The following SYT17 variants were observed in gnomAD, a reference collection of about 807,000 sequenced individuals.
The protein encoded by SYT17 is synaptotagmin-17.
SYT17 carries 22 observed loss-of-function variants against 46.7 expected under a neutral mutation model. The observed-to-expected ratio is 0.47, with a 90% CI of 0.34 to 0.67. The LOEUF is 0.67. Ranked by LOEUF, SYT17 falls within the 30% of genes least tolerant of loss-of-function variation. The pLI, the probability that SYT17 is intolerant of heterozygous loss-of-function variation, is 0.01. For synonymous variants in SYT17, 251 were observed against 248.4 expected, an observed-to-expected ratio of 1.01 and a Z score of -0.10; for missense variants, 519 against 612.8, an observed-to-expected ratio of 0.85 and a Z score of 1.62.
intron 1 of SYT17, chr16:19,172,415 C>T: frequency 7.0e-7 from 1 of 1,426,780 alleles, no homozygotes; most frequent in Non-Finnish European, 9.1e-7. Flanking sequence ...AAGGTTTGCT[C>T]TTCTCCTGAA....
In SYT17 at chr16:19,173,458, T is replaced by G. The variant is rs773875118; in HGVS notation, c.62T>G (p.Leu21Arg). The part of the protein sequence containing the change: ...EGFLSRISGL[L>R]LCRWTCRHCC... Reference sequence around the variant, plus strand: ...TTTCTTTCTAGAATCTCTGGTCTGCTGCTGTGCAGATGGACCTGCCGGCAC... The same window carrying G: ...TTTCTTTCTAGAATCTCTGGTCTGCGGCTGTGCAGATGGACCTGCCGGCAC... The change falls in exon 3 of 8, where the codon CTG becomes CGG. Residue 21 changes from leucine to arginine, a missense_variant. By Grantham distance (102) the Leu-to-Arg change is moderately radical. Coordinates refer to ENST00000355377, the MANE Select transcript of SYT17 (RefSeq NM_016524.4). The G allele has an allele frequency of 9.5e-6, 14 of 1,478,744 alleles. No homozygotes were observed. The South Asian group carries it at 1.6e-4, about 17-fold the overall frequency. 91.6% of individuals were successfully genotyped at this position (1,478,744 alleles called of 1,614,324 possible). A position where few individuals can be genotyped will look rare whatever the true frequency, so the allele number is the denominator to read the frequency against.
intron 5 of SYT17, among the ~76,000 whole-genome samples, chr16:19,184,420 C>A (rs995837442): frequency 6.7e-6 from 1 of 150,096 alleles, no homozygotes; most frequent in African/African-American, 2.5e-5. Flanking sequence ...TTGAGACGCT[C>A]TGTCACCCAG....
At chr16:19,169,089 G>A (rs984477104) in intron 1 of SYT17, among the ~76,000 whole-genome samples, 1 of 152,048 alleles carries the variant, frequency 6.6e-6, no homozygotes, top group Non-Finnish European at 1.5e-5. Context: ...CGAGCCTGAG[G>A]CAGCTGTTCC....
rs529500783 is a variant in SYT17 at position 19,224,151 on chromosome 16, G to T, written c.1073-532G>T. 2.0e-5 allele frequency among the ~76,000 whole-genome samples: 3 copies of T among 152,270 alleles called. No homozygotes were observed. In the South Asian group the frequency reaches 6.2e-4, roughly 32 times the overall value. ...CTCTATTCACCTGTATATGGGCTAT[G>T]GGCTCACTGAAATGATAATGGGTTT... On this transcript the variant is annotated intron_variant, in intron 6 of 7. Transcript: ENST00000355377.
At chr16:19,231,699 A>G (rs1295157505) in intron 7 of SYT17, among the ~76,000 whole-genome samples, 1 of 152,024 alleles carries the variant, frequency 6.6e-6, no homozygotes, top group African/African-American at 2.4e-5. Context: ...GGGTGGGACC[A>G]GCTCCCTGGG....
At chr16:19,210,622 G>C (rs544816326) in intron 5 of SYT17, among the ~76,000 whole-genome samples, 1 of 151,880 alleles carries the variant, frequency 6.6e-6, no homozygotes, top group Non-Finnish European at 1.5e-5. Context: ...AGAGAAGAAA[G>C]AAGAAGAAAG....
In SYT17 at chr16:19,223,149, T is replaced by C. The variant is rs1008746554; in HGVS notation, c.1056T>C (p.Asp352=). Residue 352 remains aspartate, a synonymous_variant, in exon 6 of 8, where the codon GAT becomes GAC. Coordinates refer to ENST00000355377, the MANE Select transcript of SYT17 (RefSeq NM_016524.4). ...GAGCCAAGCAACTTCTTCAGACAGATGTGAGCCAAGGTTCAGGTACCGTGT... is the reference window on the plus strand; with the variant it reads ...GAGCCAAGCAACTTCTTCAGACAGACGTGAGCCAAGGTTCAGGTACCGTGT... ...VIRAKQLLQT[D]VSQGSDPFVK... The C allele has an allele frequency of 6.2e-7, 1 of 1,613,890 alleles. No homozygotes were observed. The highest frequency in any genetic ancestry group is 8.5e-7 in the Non-Finnish European group (1 of 1,179,824).
intron 5 of SYT17, among the ~76,000 whole-genome samples, chr16:19,197,294 C>G (rs1245187143): frequency 6.6e-6 from 1 of 152,142 alleles, no homozygotes; most frequent in Non-Finnish European, 1.5e-5. Context: ...TTCATGCGGT[C>G]CTTCATGTTT....
At chr16:19,179,123 C>A (rs375334355) in intron 3 of SYT17, among the ~76,000 whole-genome samples, 1 of 151,972 alleles carries the variant, frequency 6.6e-6, no homozygotes, top group African/African-American at 2.4e-5. Flanking sequence ...AAGCACTGTT[C>A]TAAGCATTTT....
chr16:19,267,104 G>GT lies in SYT17; in HGVS notation c.*31dup. The GT allele has an allele frequency of 1.2e-6, 1 of 858,398 alleles. No individual in the cohort carries two copies. The allele number at this position is 858,398 out of a possible 1,614,324, so 53.2% of individuals were successfully genotyped here. On this transcript the variant is annotated 3_prime_UTR_variant, in exon 8 of 8. Coordinates refer to ENST00000355377, the MANE Select transcript of SYT17 (RefSeq NM_016524.4). ...GCTGCAGGGAAGGCAGCTTTCATTT[G>GT]TTTAAAAAAAAAAAAAAAAGACGGA...
intron 7 of SYT17, among the ~76,000 whole-genome samples, chr16:19,238,020 G>A (rs982270481): frequency 7.9e-5 from 12 of 152,220 alleles, no homozygotes; most frequent in Admixed American, 4.6e-4. Context: ...ATGTGGCTTA[G>A]ATGTTTGAAA....
rs537422127 is a variant in SYT17 at position 19,243,079 on chromosome 16, G to A, written c.1228+18241G>A. 1.2e-4 allele frequency among the ~76,000 whole-genome samples: 18 copies of A among 152,298 alleles called. No individual in the cohort carries two copies. The South Asian group carries it at 1.9e-3, about 16-fold the overall frequency. On this transcript the variant is annotated intron_variant, in intron 7 of 7. Transcript: ENST00000355377. ...CCATGCCCTGCATTAGAGCAGGACA[G>A]AATGTAGTTGGCTTATCATGGAAAT... is the stretch of plus-strand genomic sequence containing the variant.
intron 5 of SYT17, among the ~76,000 whole-genome samples, chr16:19,215,173 T>C (rs754188550): frequency 6.6e-6 from 1 of 152,250 alleles, no homozygotes; most frequent in Non-Finnish European, 1.5e-5. Context: ...ATTTCTGAAA[T>C]ACCAAATTCT....
In SYT17 at chr16:19,250,359, TTGTGTGTGTGTGTGTGTG is replaced by T. The variant is rs55818940; in HGVS notation, c.1229-16493_1229-16476del. ...TTTCAAAAAGATGTCTCAAACATGT[TTGTGTGTGTGTGTGTGTG>T]TGTGTGTGTGTGTGTGTGTGTGTGT... On this transcript the variant is annotated intron_variant, in intron 7 of 7. Coordinates refer to ENST00000355377, the MANE Select transcript of SYT17 (RefSeq NM_016524.4). Among the ~76,000 whole-genome samples the T allele has an allele frequency of 3.2e-3, 418 of 132,566 alleles. 1 individual carries two copies. Among genetic ancestry groups the T allele is most frequent in the African/African-American group, 0.011 (390 of 35,378 alleles). 87.0% of individuals were successfully genotyped at this position (132,566 alleles called of 152,430 possible). A position where few individuals can be genotyped will look rare whatever the true frequency, so the allele number is the denominator to read the frequency against.
chr16:19,190,812 T>C (rs1964987902), intron 5 of SYT17, among the ~76,000 whole-genome samples: 2 of 148,358 alleles, frequency 1.3e-5, no homozygotes, highest in Admixed American at 6.7e-5. Flanking sequence ...GTGTGTGTCA[T>C]ATTTTGTTGA....
At chr16:19,186,325 A>C (rs1490505850) in intron 5 of SYT17, among the ~76,000 whole-genome samples, 2 of 151,504 alleles carry the variant, frequency 1.3e-5, no homozygotes. Flanking sequence ...AAACATTAAA[A>C]AAAAAAAAAT....
At chr16:19,173,392 T>G in intron 2 of SYT17, 38 bp from the exon 3 acceptor site, 13 of 102,128 alleles carry the variant, frequency 1.3e-4, no homozygotes, top group East Asian at 3.6e-4. Context: ...ACCTCCCCTC[T>G]CCCCCATCCC....
intron 7 of SYT17, among the ~76,000 whole-genome samples, chr16:19,254,018 C>G (rs764200770): frequency 1.3e-5 from 2 of 152,170 alleles, no homozygotes; most frequent in African/African-American, 2.4e-5. Flanking sequence ...GGTGAACCAC[C>G]GCACCCAGTC....
At chr16:19,178,489 G>A (rs899060549) in intron 3 of SYT17, among the ~76,000 whole-genome samples, 8 of 151,726 alleles carry the variant, frequency 5.3e-5, no homozygotes, top group Non-Finnish European at 8.8e-5. Context: ...ATGGGGTTTC[G>A]CCATGTCGGC....
Sources: allele counts gnomAD v4.1 joint callset (sites outside exome capture counted in the v4.1 genomes callset), GRCh38; gene constraint gnomAD v4.1.1; transcripts MANE v1.5; gene names NCBI Gene and HGNC (gene_info 2026-07-23, HGNC 2026-07-21).